Variants in C3orf20 observed in about 807,000 individuals in gnomAD.
C3orf20 encodes the protein family with sequence similarity 149 member C.
A neutral mutation model predicts 88.3 loss-of-function variants in C3orf20; 76 were observed. That is an observed-to-expected ratio of 0.86 (90% CI 0.72 to 1.04). The LOEUF (loss-of-function observed/expected upper bound fraction) is 1.04, where lower values mean the gene tolerates loss of function less well. Ranked by LOEUF, C3orf20 falls within the 50% of genes least tolerant of loss-of-function variation. C3orf20 has a pLI of 0.00. For synonymous variants in C3orf20, 436 were observed against 437.4 expected (o/e 1.00, Z 0.04); for missense variants, 1,056 against 1,123.3 (o/e 0.94, Z 0.86).
chr3:14,683,698 A>G (rs1319697322), intron 3 of C3orf20, among the ~76,000 whole-genome samples: 1 of 151,988 alleles, frequency 6.6e-6, no homozygotes, highest in Non-Finnish European at 1.5e-5. Flanking sequence ...CAATATGGTG[A>G]AACCCTGACT....
intron 12 of C3orf20, among the ~76,000 whole-genome samples, chr3:14,748,855 G>A (rs1434378795): frequency 6.6e-6 from 1 of 152,024 alleles, no homozygotes; most frequent in Non-Finnish European, 1.5e-5. Context: ...ATTGAGATTT[G>A]TTTTGTGGTC....
At chr3:14,767,980 G>A (rs1363333140) in intron 15 of C3orf20, among the ~76,000 whole-genome samples, 2 of 152,230 alleles carry the variant, frequency 1.3e-5, no homozygotes, top group African/African-American at 4.8e-5. Context: ...ACTACCAACT[G>A]GAATGAGACC....
At position 14,744,415 on chromosome 3, in the gene C3orf20, G is replaced by GT. The variant is rs576296844; in HGVS notation, c.1941-12955dup. ...CATTTTGGGCAAAGCCATTCAACAA[G>GT]TCTCTAGGAAGTTCCAAAATTTCCC... On this transcript the variant is annotated intron_variant, in intron 12 of 16. Coordinates refer to ENST00000253697, the MANE Select transcript of C3orf20 (RefSeq NM_032137.5). Among the ~76,000 whole-genome samples the GT allele has an allele frequency of 2.1e-3, 313 of 152,062 alleles. 4 individuals carry two copies. The highest frequency in any genetic ancestry group is 7.3e-3 in the African/African-American group (301 of 41,318).
At chr3:14,743,053 T>C (rs533295281) in intron 12 of C3orf20, among the ~76,000 whole-genome samples, 5 of 151,800 alleles carry the variant, frequency 3.3e-5, no homozygotes, top group Non-Finnish European at 5.9e-5. Context: ...ATTTCAAAAT[T>C]AATCATGCCT....
intron 7 of C3orf20, among the ~76,000 whole-genome samples, chr3:14,711,722 A>G (rs1274590351): frequency 1.6e-5 from 2 of 128,134 alleles, no homozygotes; most frequent in Admixed American, 1.0e-4. Context: ...TGCAACCTCC[A>G]CCTCCTGGGC....
intron 1 of C3orf20, among the ~76,000 whole-genome samples, chr3:14,679,969 T>A (rs912207959): frequency 7.9e-5 from 12 of 152,198 alleles, no homozygotes; most frequent in Non-Finnish European, 1.6e-4. Context: ...CAATGAGACA[T>A]AATTTCACAT....
intron 12 of C3orf20, among the ~76,000 whole-genome samples, chr3:14,729,987 A>G (rs967329045): frequency 2.6e-5 from 4 of 152,264 alleles, no homozygotes; most frequent in Admixed American, 6.5e-5. Flanking sequence ...AACATATCCT[A>G]TAACTACCAA....
rs376158012 is a variant in C3orf20, at chr3:14,690,011, A to G, written c.640A>G (p.Met214Val). 2.5e-6 allele frequency: 4 copies of G among 1,614,196 alleles called. No individual in the cohort carries two copies. In the East Asian group the frequency reaches 8.9e-5, roughly 36 times the overall value. ...GQLWKESLAN[M>V]SAIGVNSPYQ... ...TCCCACTCCAGAGTCCCTCGCAAAC[A>G]TGTCCGCCATTGGGGTGAACTCGCC... Residue 214 changes from methionine to valine, a missense_variant, in exon 5 of 17, where the codon ATG becomes GTG. Transcript: ENST00000253697.
chr3:14,717,347 G>T (rs187276825), intron 9 of C3orf20, among the ~76,000 whole-genome samples: 53 of 152,328 alleles, frequency 3.5e-4, no homozygotes, highest in South Asian at 1.2e-3. Flanking sequence ...GGCATGTGAA[G>T]TCAGGAGTGG....
chr3:14,761,665 G>A (rs763928941), intron 15 of C3orf20, 50 bp downstream of exon 15: 12 of 1,605,374 alleles, frequency 7.5e-6, no homozygotes, highest in Non-Finnish European at 1.0e-5. Flanking sequence ...GAGGTATGGA[G>A]GGCAGAAAGG....
At position 14,711,627 on chromosome 3, in the gene C3orf20, C is replaced by CTTT. The variant is rs35966332; in HGVS notation, c.1161-2356_1161-2354dup. Among the ~76,000 whole-genome samples, 76 of 72,630 alleles carry CTTT rather than the reference C, an allele frequency of 1.0e-3. 3 individuals are homozygous for CTTT. The highest frequency in any genetic ancestry group is 1.5e-3 in the Admixed American group (9 of 5,898). The allele number at this position is 72,630 out of a possible 152,430, so 47.6% of individuals were successfully genotyped here. On this transcript the variant is annotated intron_variant, in intron 7 of 16. Coordinates refer to ENST00000253697, the MANE Select transcript of C3orf20 (RefSeq NM_032137.5). ...GGTTTTTAAAAATTTATCCTGCCAG[C>CTTT]TTTTTTTTTTTTTTTTTTTTTTTTT...
intron 4 of C3orf20, among the ~76,000 whole-genome samples, chr3:14,684,989 G>A (rs1246153313): frequency 6.6e-6 from 1 of 152,160 alleles, no homozygotes; most frequent in African/African-American, 2.4e-5. Flanking sequence ...TTCAAGACCA[G>A]CTTGGGTGAC....
intron 9 of C3orf20, among the ~76,000 whole-genome samples, chr3:14,716,306 A>C (rs1056812900): frequency 6.6e-6 from 1 of 152,240 alleles, no homozygotes; most frequent in African/African-American, 2.4e-5. Context: ...CACAGATTCA[A>C]GAACTGTGAG....
chr3:14,682,104 G>C (rs940137047), intron 1 of C3orf20, 66 bp from the exon 2 acceptor site: 7 of 152,210 alleles, frequency 4.6e-5, no homozygotes, highest in African/African-American at 1.4e-4. Context: ...GATGAAATTT[G>C]GCAAATTATA....
chr3:14,762,774 G>A (rs183033530), intron 15 of C3orf20, among the ~76,000 whole-genome samples: 127 of 152,178 alleles, frequency 8.3e-4, no homozygotes, highest in Admixed American at 2.1e-3. Flanking sequence ...CCGAGTCTGG[G>A]TACCCCCTAC....
Position 14,763,884 on chromosome 3 carries a change from T to A in C3orf20, c.2495+2269T>A, listed in dbSNP as rs369690417. Among the ~76,000 whole-genome samples, 38 of 152,326 alleles carry A rather than the reference T, an allele frequency of 2.5e-4. 1 individual carries two copies. The South Asian group carries it at 2.9e-3, about 12-fold the overall frequency. On this transcript the variant is annotated intron_variant, in intron 15 of 16. Transcript: ENST00000253697. The stretch of plus-strand genomic sequence containing the variant: ...ATTAAAATGAGCTCTGGTCTCCTAA[T>A]GTGTTATATTCAAGGATTCTGAAAG...
chr3:14,676,113 C>A (rs531133908), intron 1 of C3orf20, among the ~76,000 whole-genome samples: 1 of 137,482 alleles, frequency 7.3e-6, no homozygotes, highest in Non-Finnish European at 1.6e-5. Context: ...CCCTCCCCCC[C>A]GCCTTTTTTT....
chr3:14,734,798 T>A (rs2034652694), intron 12 of C3orf20, among the ~76,000 whole-genome samples: 1 of 152,114 alleles, frequency 6.6e-6, no homozygotes, highest in African/African-American at 2.4e-5. Context: ...TGTGTTAATA[T>A]CTCCCACGAT....
chr3:14,720,100 G>C (rs1266010621), intron 9 of C3orf20, among the ~76,000 whole-genome samples: 1 of 152,130 alleles, frequency 6.6e-6, no homozygotes, highest in Non-Finnish European at 1.5e-5. Context: ...CGTGATCTCA[G>C]CTCACTGCAA....
Sources: gnomAD v4.1 joint callset for allele counts (sites outside exome capture counted in the v4.1 genomes callset) on GRCh38, gnomAD v4.1.1 for gene constraint, MANE v1.5 for transcripts, NCBI Gene and HGNC (gene_info 2026-07-23, HGNC 2026-07-21) for gene names.